The following ASB3 variants were observed in gnomAD, a reference collection of about 807,000 sequenced individuals.
ASB3 encodes the protein ankyrin repeat and SOCS box protein 3.
In ASB3, 41 loss-of-function variants were observed where a neutral mutation model predicts 54.5. That is an observed-to-expected ratio of 0.75 (90% CI 0.59 to 0.98). ASB3 has a LOEUF of 0.98. Ranked by LOEUF, ASB3 falls within the 50% of genes least tolerant of loss-of-function variation. The probability of loss-of-function intolerance (pLI) is 0.00; values close to 1 mark genes in which losing one functional copy is unlikely to be tolerated. For synonymous variants in ASB3, 266 were observed against 221.2 expected (o/e 1.20, Z -1.80); for missense variants, 733 against 620.0 (o/e 1.18, Z -1.94).
intron 9 of ASB3, among the ~76,000 whole-genome samples, chr2:53,690,255 T>A (rs13023109): frequency 0.48 from 71,556 of 148,542 alleles, 17,938 homozygotes; most frequent in African/African-American, 0.61. Context: ...ATAAATAAAT[T>A]AATTAATTAA....
chr2:53,774,214 A>G (rs17851583), intron 1 of ASB3: 2 of 1,613,906 alleles, frequency 1.2e-6, no homozygotes, highest in South Asian at 1.1e-5. Context: ...CCTTGACTTC[A>G]GAGAAAAAGG....
At chr2:53,706,250 G>A (rs1043987527) in intron 7 of ASB3, among the ~76,000 whole-genome samples, 2 of 152,162 alleles carry the variant, frequency 1.3e-5, no homozygotes, top group African/African-American at 4.8e-5. Flanking sequence ...ACAAGGCATT[G>A]AGGAAGACTA....
chr2:53,785,000 C>T (rs887820383), intron 1 of ASB3, among the ~76,000 whole-genome samples: 1 of 152,226 alleles, frequency 6.6e-6, no homozygotes, highest in African/African-American at 2.4e-5. Flanking sequence ...TCTCAAACTT[C>T]TTCTACCACT....
At chr2:53,716,957 CTGGAATCCCAGCAATT>C (rs1486278215) in intron 5 of ASB3, among the ~76,000 whole-genome samples, 1 of 152,122 alleles carries the variant, frequency 6.6e-6, no homozygotes, top group African/African-American at 2.4e-5. Flanking sequence ...TAGCTCATGC[CTGGAATCCCAGCAATT>C]TAGGAAGCTG....
rs368230249 is a variant in ASB3, at chr2:53,716,674, G to A, written c.674C>T (p.Thr225Ile). 2 of 1,614,102 alleles carry A rather than the reference G, an allele frequency of 1.2e-6. No individual in the cohort carries two copies. The highest frequency in any genetic ancestry group is 1.7e-6 in the Non-Finnish European group (2 of 1,180,000). ...GGAGAGCAAAAGCTCCACACATTTTGTGTGTCCCTCTTGAGCAGCAATGAA... is the reference window on the plus strand; with the variant it reads ...GGAGAGCAAAAGCTCCACACATTTTATGTGTCCCTCTTGAGCAGCAATGAA... The part of the protein sequence containing the change: ...PLFIAAQEGH[T>I]KCVELLLSSG... The change falls in exon 6 of 10, where the codon ACA (threonine) becomes ATA (isoleucine). Residue 225 changes from threonine to isoleucine, a missense_variant. Thr to Ile is a moderately conservative substitution (Grantham distance 89). Coordinates refer to ENST00000263634, the MANE Select transcript of ASB3 (RefSeq NM_016115.5).
At chr2:53,784,393 A>C (rs1044183238) in intron 1 of ASB3, among the ~76,000 whole-genome samples, 1 of 152,140 alleles carries the variant, frequency 6.6e-6, no homozygotes, top group Admixed American at 6.5e-5. Flanking sequence ...ACTTGTCTCA[A>C]CTACTTTTTG....
At chr2:53,763,456 G>C (rs975458645) in intron 2 of ASB3, 1 of 169,326 alleles carries the variant, frequency 5.9e-6, no homozygotes, top group Non-Finnish European at 1.5e-5. Flanking sequence ...TGTAGGATGT[G>C]GAACCCACAG....
intron 5 of ASB3, among the ~76,000 whole-genome samples, chr2:53,719,591 C>G (rs1334325349): frequency 2.0e-5 from 3 of 151,844 alleles, no homozygotes; most frequent in African/African-American, 7.3e-5. Flanking sequence ...GATAATCCCC[C>G]CTTCACCCAG....
intron 5 of ASB3, among the ~76,000 whole-genome samples, chr2:53,718,599 T>C (rs1006149803): frequency 2.0e-5 from 3 of 151,720 alleles, no homozygotes; most frequent in African/African-American, 7.3e-5. Flanking sequence ...CATAATACAA[T>C]CATACAATAG....
intron 1 of ASB3, among the ~76,000 whole-genome samples, chr2:53,777,467 A>G (rs1004545319): frequency 4.6e-5 from 7 of 152,042 alleles, no homozygotes; most frequent in African/African-American, 1.7e-4. Flanking sequence ...AAATACACAA[A>G]CTCATCAAAT....
intron 2 of ASB3, among the ~76,000 whole-genome samples, chr2:53,764,383 G>C (rs1436060750): frequency 6.6e-6 from 1 of 152,172 alleles, no homozygotes; most frequent in Non-Finnish European, 1.5e-5. Flanking sequence ...AAATACCCTA[G>C]TTTATTATGT....
At chr2:53,768,008 G>T in intron 1 of ASB3, 5 of 1,613,600 alleles carry the variant, frequency 3.1e-6, no homozygotes, top group Non-Finnish European at 4.2e-6. Flanking sequence ...GACCACCGCG[G>T]GGTCCCCGGC....
intron 1 of ASB3, among the ~76,000 whole-genome samples, chr2:53,779,634 A>C (rs1348501842): frequency 1.3e-5 from 2 of 151,952 alleles, no homozygotes; most frequent in African/African-American, 4.8e-5. Context: ...ATGGAGTTTC[A>C]CCATGTTGCC....
chr2:53,729,525 T>A lies in ASB3; in HGVS notation c.401A>T (p.His134Leu), dbSNP rs765976804. The A allele has an allele frequency of 1.2e-6, 2 of 1,613,950 alleles. No individual in the cohort carries two copies. Among genetic ancestry groups the A allele is most frequent in the South Asian group, 2.2e-5 (2 of 91,078 alleles). ...QIDVLRLLLQ[H>L]GANVNGSHSM... ...ATGGGATCCATTAACATTTGCTCCG[T>A]GTTGAAGCAACAGCCTTAACACATC... Residue 134 changes from histidine (H) to leucine (L), a missense_variant, in exon 4 of 10, where the codon CAC (histidine) becomes CTC (leucine). Coordinates refer to ENST00000263634, the MANE Select transcript of ASB3 (RefSeq NM_016115.5).
intron 7 of ASB3, among the ~76,000 whole-genome samples, chr2:53,711,659 A>AGT (rs1670104539): frequency 6.6e-6 from 1 of 152,138 alleles, no homozygotes; most frequent in Admixed American, 6.5e-5. Flanking sequence ...CTACAATCCC[A>AGT]GCTACTTGGG....
At chr2:53,676,848 C>T (rs1025270302) in intron 9 of ASB3, among the ~76,000 whole-genome samples, 2 of 152,202 alleles carry the variant, frequency 1.3e-5, no homozygotes, top group Non-Finnish European at 2.9e-5. Context: ...CAGCTCACTG[C>T]AACTTTGCCT....
In ASB3 at chr2:53,670,440, G is replaced by C. The variant is rs957029883; in HGVS notation, c.*63C>G. ...AAAATCATAAAAACTTGTACTCTGTGGCTCTTTTGTCTCGATGATTTTTCA... is the reference window on the plus strand; with the variant it reads ...AAAATCATAAAAACTTGTACTCTGTCGCTCTTTTGTCTCGATGATTTTTCA... On this transcript the variant is annotated 3_prime_UTR_variant, in exon 10 of 10. Transcript: ENST00000263634. The C allele has an allele frequency of 2.6e-6, 4 of 1,540,566 alleles. No individual in the cohort carries two copies. The African/African-American group carries it at 5.6e-5, about 21-fold the overall frequency.
chr2:53,744,839 G>C (rs1672140427), intron 3 of ASB3, among the ~76,000 whole-genome samples: 1 of 152,240 alleles, frequency 6.6e-6, no homozygotes, highest in Admixed American at 6.5e-5. Context: ...TATGCTATGT[G>C]AGCTGAAGTA....
chr2:53,717,090 A>G (rs1258324492), intron 5 of ASB3, among the ~76,000 whole-genome samples: 2 of 152,312 alleles, frequency 1.3e-5, no homozygotes, highest in Non-Finnish European at 2.9e-5. Flanking sequence ...GTCAGCAAGA[A>G]AACAAGTGAT....
Sources: gnomAD v4.1 joint callset for allele counts (sites outside exome capture counted in the v4.1 genomes callset) on GRCh38, gnomAD v4.1.1 for gene constraint, MANE v1.5 for transcripts, NCBI Gene and HGNC (gene_info 2026-07-23, HGNC 2026-07-21) for gene names.